The following SLCO5A1 variants were observed in gnomAD, a reference collection of about 807,000 sequenced individuals.
SLCO5A1 encodes the protein solute carrier organic anion transporter family member 5A1, also known as organic anion transporter polypeptide-related protein 4.
A neutral mutation model predicts 65.1 loss-of-function variants in SLCO5A1; 39 were observed. That is an observed-to-expected ratio of 0.60 (90% CI 0.46 to 0.78). The LOEUF is 0.78. Among genes scored for constraint, SLCO5A1 ranks in the 30% least tolerant of loss-of-function variants. The probability of loss-of-function intolerance (pLI) is 0.00; values close to 1 mark genes in which losing one functional copy is unlikely to be tolerated. For synonymous variants in SLCO5A1, 438 were observed against 415.7 expected (o/e 1.05, Z -0.65); for missense variants, 1,029 against 1,069.4 (o/e 0.96, Z 0.53).
intron 4 of SLCO5A1, among the ~76,000 whole-genome samples, chr8:69,749,939 G>A (rs1673959394): frequency 6.6e-6 from 1 of 152,104 alleles, no homozygotes; most frequent in Admixed American, 6.6e-5. Context: ...CTGATAAGGG[G>A]CCACGTGAGA....
intron 2 of SLCO5A1, 21 bp downstream of exon 2, chr8:69,831,746 G>T: frequency 6.3e-7 from 1 of 1,597,864 alleles, no homozygotes; most frequent in South Asian, 1.1e-5. Context: ...AAACATATCT[G>T]AGAGAACAGG....
intron 2 of SLCO5A1, among the ~76,000 whole-genome samples, chr8:69,777,836 C>T (rs1051966949): frequency 3.9e-5 from 6 of 152,172 alleles, no homozygotes; most frequent in Non-Finnish European, 8.8e-5. Flanking sequence ...AGCAGACGGT[C>T]CTTCCTCTGA....
intron 2 of SLCO5A1, among the ~76,000 whole-genome samples, chr8:69,787,763 G>A (rs182672952): frequency 1.4e-4 from 22 of 152,282 alleles, no homozygotes; most frequent in Admixed American, 2.0e-4. Flanking sequence ...CATAGCAGAG[G>A]AATAGTAGCA....
chr8:69,708,036 G>A (rs1416057222), intron 5 of SLCO5A1, among the ~76,000 whole-genome samples: 1 of 152,184 alleles, frequency 6.6e-6, no homozygotes, highest in East Asian at 1.9e-4. Context: ...ACAAGACGGT[G>A]CAGAGTAAAA....
In SLCO5A1 at chr8:69,675,373, C is replaced by T. The variant is rs927542976; in HGVS notation, c.2089+1236G>A. 2.6e-5 allele frequency among the ~76,000 whole-genome samples: 4 copies of T among 151,992 alleles called. 1 individual carries two copies. Among genetic ancestry groups the T allele is most frequent in the Middle Eastern group, 3.4e-3 (1 of 294 alleles). On this transcript the variant is annotated intron_variant, in intron 9 of 9. Coordinates refer to ENST00000260126, the MANE Select transcript of SLCO5A1 (RefSeq NM_030958.3). Reference sequence around the variant, plus strand: ...TGTATTTTTAGTAGAGATGGGGTTTCGTCACGTTGGCCAGGCTGGTCTCGA... The same window carrying T: ...TGTATTTTTAGTAGAGATGGGGTTTTGTCACGTTGGCCAGGCTGGTCTCGA...
intron 6 of SLCO5A1, among the ~76,000 whole-genome samples, chr8:69,682,613 T>C (rs1813832485): frequency 2.0e-5 from 3 of 152,238 alleles, no homozygotes; most frequent in Non-Finnish European, 4.4e-5. Context: ...CTTGGTGCTA[T>C]GAACCTGGTC....
chr8:69,717,834 A>AT lies in SLCO5A1; in HGVS notation c.1424-12606dup, dbSNP rs1483939083. Among the ~76,000 whole-genome samples the AT allele has an allele frequency of 3.9e-5, 6 of 152,294 alleles. No homozygotes were observed. The East Asian group carries it at 1.2e-3, about 29-fold the overall frequency. ...ATACATTTATCAGGTACAGCATGTC[A>AT]TTTTGAAATGAGGATACATTGTGGA... On this transcript the variant is annotated intron_variant, in intron 5 of 9. Coordinates refer to ENST00000260126, the MANE Select transcript of SLCO5A1 (RefSeq NM_030958.3).
Position 69,738,052 on chromosome 8 carries a change from T to C in SLCO5A1, c.1411A>G (p.Ser471Gly), listed in dbSNP as rs1173648202. The change falls in exon 5 of 10, where the codon AGC becomes GGC. Residue 471 changes from serine (S) to glycine (G), a missense_variant. Transcript: ENST00000260126. ...GGCAGTGCCTTACCAGTGTAGATGC[T>C]GGCATTGGAGGCTGGGATACCAAAC... ...SQFGIPASNA[S>G]IYTGVIIVPS... is the part of the protein sequence containing the mutation. The C allele has an allele frequency of 1.2e-6, 2 of 1,611,234 alleles. No homozygotes were observed.
chr8:69,768,748 G>A (rs10090896), intron 2 of SLCO5A1, among the ~76,000 whole-genome samples: 38,221 of 151,936 alleles, frequency 0.25, 6,546 homozygotes, highest in African/African-American at 0.49. Flanking sequence ...ACCTCCCTAA[G>A]GGCTCCCTCT....
intron 2 of SLCO5A1, among the ~76,000 whole-genome samples, chr8:69,771,550 G>A (rs1818323959): frequency 1.3e-5 from 2 of 151,540 alleles, no homozygotes; most frequent in Non-Finnish European, 1.5e-5. Flanking sequence ...TCCTTTTTTA[G>A]TCTTCTTACA....
At chr8:69,697,532 G>A (rs1208451011) in intron 6 of SLCO5A1, among the ~76,000 whole-genome samples, 1 of 152,100 alleles carries the variant, frequency 6.6e-6, no homozygotes, top group Non-Finnish European at 1.5e-5. Context: ...AGGAAACTAA[G>A]GAGAAATAAT....
At chr8:69,773,566 A>G (rs914708981) in intron 2 of SLCO5A1, among the ~76,000 whole-genome samples, 1 of 152,214 alleles carries the variant, frequency 6.6e-6, no homozygotes, top group African/African-American at 2.4e-5. Flanking sequence ...AAGTGGAAAC[A>G]ATTCCCCTTC....
intron 6 of SLCO5A1, among the ~76,000 whole-genome samples, chr8:69,688,935 C>G (rs1327876965): frequency 1.3e-5 from 2 of 152,040 alleles, no homozygotes; most frequent in African/African-American, 4.8e-5. Context: ...CATGGTTGAA[C>G]TAGTTTACAG....
chr8:69,812,757 T>A (rs1011831877), intron 2 of SLCO5A1, among the ~76,000 whole-genome samples: 10 of 152,220 alleles, frequency 6.6e-5, no homozygotes, highest in African/African-American at 2.4e-4. Flanking sequence ...AAATTCAAAC[T>A]AATTTCTTTT....
intron 5 of SLCO5A1, among the ~76,000 whole-genome samples, chr8:69,722,041 A>G (rs1815847265): frequency 6.6e-6 from 1 of 152,092 alleles, no homozygotes; most frequent in Non-Finnish European, 1.5e-5. Flanking sequence ...GCATGGTGGC[A>G]TATACCTATA....
chr8:69,677,674 C>A (rs1033370323), intron 8 of SLCO5A1, among the ~76,000 whole-genome samples: 1 of 152,176 alleles, frequency 6.6e-6, no homozygotes, highest in African/African-American at 2.4e-5. Flanking sequence ...AACCAGTGGG[C>A]CTTTCATGCA....
intron 5 of SLCO5A1, among the ~76,000 whole-genome samples, chr8:69,708,295 G>A (rs1192271009): frequency 6.6e-6 from 1 of 152,144 alleles, no homozygotes; most frequent in African/African-American, 2.4e-5. Flanking sequence ...AGACTTCTTT[G>A]CCTCGTCATG....
Position 69,679,364 on chromosome 8 carries a change from A to C in SLCO5A1, c.2024+14T>G. On this transcript the variant is annotated intron_variant, in intron 8 of 9. Transcript: ENST00000260126. ...AGTACAGAACCCACCCCAGAAGTTGAATGCTGTTCTCACCTGAGTGTTACT... is the reference window on the plus strand; with the variant it reads ...AGTACAGAACCCACCCCAGAAGTTGCATGCTGTTCTCACCTGAGTGTTACT... The C allele has an allele frequency of 6.8e-6, 11 of 1,614,026 alleles. No homozygotes were observed. Among genetic ancestry groups the C allele is most frequent in the Non-Finnish European group, 8.5e-6 (10 of 1,179,894 alleles).
chr8:69,797,905 T>A (rs1232349154), intron 2 of SLCO5A1, among the ~76,000 whole-genome samples: 1 of 152,220 alleles, frequency 6.6e-6, no homozygotes, highest in East Asian at 1.9e-4. Context: ...GTGAAGCATG[T>A]GATCTCTGTG....
Sources: gnomAD v4.1 joint callset for allele counts (sites outside exome capture counted in the v4.1 genomes callset) on GRCh38, gnomAD v4.1.1 for gene constraint, MANE v1.5 for transcripts, NCBI Gene and HGNC (gene_info 2026-07-23, HGNC 2026-07-21) for gene names.